The following CCDC198 variants were observed in gnomAD, a reference collection of about 807,000 sequenced individuals.
CCDC198 encodes the protein factor associated with metabolism and energy.
Under a neutral mutation model 35.6 loss-of-function variants are expected in CCDC198, and 18 were observed. The observed-to-expected ratio is 0.51, with a 90% CI of 0.35 to 0.75. The LOEUF is 0.75. Among genes scored for constraint, CCDC198 ranks in the 30% least tolerant of loss-of-function variants. The pLI is 0.01. For missense variants in CCDC198, 365 were observed against 343.7 expected (o/e 1.06, Z -0.49); for synonymous variants, 119 against 113.4 (o/e 1.05, Z -0.31).
intron 5 of CCDC198, among the ~76,000 whole-genome samples, chr14:57,476,263 A>G (rs115338196): frequency 0.01 from 1,550 of 152,306 alleles, 28 homozygotes; most frequent in African/African-American, 0.036. Context: ...TTCTCTCTCT[A>G]GAATAAAATT....
At chr14:57,481,483 G>T in intron 4 of CCDC198, 76 bp downstream of exon 4, 1 of 1,010,236 alleles carries the variant, frequency 9.9e-7, no homozygotes. Flanking sequence ...GGCTATCTAT[G>T]CTTGATATAT....
Position 57,489,965 on chromosome 14 carries a change from TTATC to T in CCDC198, c.306+1020_306+1023del, listed in dbSNP as rs150683892. ...TTGTTATATTTCATTTTATTTTTCT[TTATC>T]TAAATAATGATTTTATAGTTTCTAA... On this transcript the variant is annotated intron_variant, in intron 2 of 5. Transcript: ENST00000216445. Among the ~76,000 whole-genome samples, 182 of 152,282 alleles carry T rather than the reference TTATC, an allele frequency of 1.2e-3. 2 individuals are homozygous for T. The East Asian group carries it at 0.025, about 21-fold the overall frequency.
chr14:57,482,962 C>A, intron 3 of CCDC198, 103 bp downstream of exon 3: 1 of 1,464,630 alleles, frequency 6.8e-7, no homozygotes, highest in Non-Finnish European at 9.5e-7. Flanking sequence ...CTTTGAACTC[C>A]TCCATGCAGA....
At chr14:57,481,162 G>C (rs1009806200) in intron 4 of CCDC198, among the ~76,000 whole-genome samples, 6 of 152,100 alleles carry the variant, frequency 3.9e-5, no homozygotes, top group African/African-American at 1.4e-4. Context: ...TTTTTTACAA[G>C]AGGTCTTTCT....
In CCDC198 at chr14:57,493,803, A is replaced by C. The variant is rs989090676; in HGVS notation, c.-88T>G. 6 of 988,384 alleles carry C rather than the reference A, an allele frequency of 6.1e-6. No individual in the cohort carries two copies. The African/African-American group carries it at 9.8e-5, about 16-fold the overall frequency. 61.2% of individuals were successfully genotyped at this position (988,384 alleles called of 1,614,324 possible). A position where few individuals can be genotyped will look rare whatever the true frequency, so the allele number is the denominator to read the frequency against. On this transcript the variant is annotated 5_prime_UTR_variant, in exon 1 of 6. Coordinates refer to ENST00000216445, the MANE Select transcript of CCDC198 (RefSeq NM_018168.4). ...CTTATTTTAATCAAAGCATTTCAGAAGTTTACCCTCGCTTTACAAAGCAGT... is the reference window on the plus strand; with the variant it reads ...CTTATTTTAATCAAAGCATTTCAGACGTTTACCCTCGCTTTACAAAGCAGT...
At position 57,480,589 on chromosome 14, in the gene CCDC198, A is replaced by G. The variant is rs752644987; in HGVS notation, c.655+6T>C. 6.2e-7 allele frequency: 1 copy of G among 1,611,856 alleles called. No individual in the cohort carries two copies. The highest frequency in any genetic ancestry group is 1.1e-5 in the South Asian group (1 of 90,308). The stretch of plus-strand genomic sequence containing the variant: ...ATGTTTTACTAAAAAATTGTACATG[A>G]CTCACCGGGACCTCTGTTCAAGATT... On this transcript the variant is annotated splice_donor_region_variant and intron_variant, in intron 5 of 5. Transcript: ENST00000216445.
chr14:57,482,934 CT>C (rs2067235600), intron 3 of CCDC198, 130 bp downstream of exon 3: 1 of 1,279,426 alleles, frequency 7.8e-7, no homozygotes. Context: ...CTCTGAATGA[CT>C]TAACAGTTTG....
intron 5 of CCDC198, chr14:57,475,527 T>C (rs181877399): frequency 6.4e-6 from 5 of 785,600 alleles, no homozygotes; most frequent in Non-Finnish European, 7.1e-6. Flanking sequence ...GCCAACATGG[T>C]GAAACCTCGT....
intron 3 of CCDC198, among the ~76,000 whole-genome samples, chr14:57,482,546 T>C (rs1474765513): frequency 1.3e-5 from 2 of 152,190 alleles, no homozygotes; most frequent in Admixed American, 6.5e-5. Flanking sequence ...TTCATTTCTA[T>C]GTGAGGGGAG....
chr14:57,471,572 T>A lies in CCDC198; in HGVS notation c.674A>T (p.Glu225Val). 1 of 1,583,334 alleles carries A rather than the reference T, an allele frequency of 6.3e-7. No homozygotes were observed. Among genetic ancestry groups the A allele is most frequent in the East Asian group, 2.2e-5 (1 of 44,710 alleles). Residue 225 changes from glutamate to valine, a missense_variant, in exon 6 of 6, where the codon GAA (glutamate) becomes GTA (valine). Physicochemically the swap from Glu to Val is moderately radical, Grantham distance 121 (BLOSUM62 -2). Coordinates refer to ENST00000216445, the MANE Select transcript of CCDC198 (RefSeq NM_018168.4). ...NRGPGNSKNT[E>V]FLKHQAVNNY... The stretch of plus-strand genomic sequence containing the variant: ...ATTCACTGCTTGATGTTTCAAAAAT[T>A]CTGTATTCTTTGAATTTCCTACAAA...
chr14:57,476,478 G>A (rs985576305), intron 5 of CCDC198, among the ~76,000 whole-genome samples: 1 of 152,140 alleles, frequency 6.6e-6, no homozygotes, highest in African/African-American at 2.4e-5. Flanking sequence ...AAGGGTAGGA[G>A]CCACAGAAAC....
Position 57,471,316 on chromosome 14 carries a change from T to G in CCDC198, c.*39A>C, listed in dbSNP as rs1594771733. Reference sequence around the variant, plus strand: ...GGAAGATTTTGAGAGTAAAACAAGCTTTCAAAGCACTCAGTTTCTAGGTTA... The same window carrying G: ...GGAAGATTTTGAGAGTAAAACAAGCGTTCAAAGCACTCAGTTTCTAGGTTA... On this transcript the variant is annotated 3_prime_UTR_variant, in exon 6 of 6. Coordinates refer to ENST00000216445, the MANE Select transcript of CCDC198 (RefSeq NM_018168.4). 9 of 1,486,412 alleles carry G rather than the reference T, an allele frequency of 6.1e-6. No individual in the cohort carries two copies. The East Asian group carries it at 1.4e-4, about 23-fold the overall frequency. The allele number at this position is 1,486,412 out of a possible 1,614,324, so 92.1% of individuals were successfully genotyped here.
chr14:57,486,915 C>T (rs1428285602), intron 2 of CCDC198, among the ~76,000 whole-genome samples: 1 of 152,118 alleles, frequency 6.6e-6, no homozygotes, highest in Non-Finnish European at 1.5e-5. Flanking sequence ...TTGAAAAGAG[C>T]CCAAGGAATC....
intron 5 of CCDC198, among the ~76,000 whole-genome samples, chr14:57,476,957 G>A (rs1255328722): frequency 6.6e-6 from 1 of 152,226 alleles, no homozygotes; most frequent in East Asian, 1.9e-4. Context: ...CGAGCACAGA[G>A]GTGAAGGCTG....
intron 1 of CCDC198, among the ~76,000 whole-genome samples, chr14:57,493,143 C>G (rs919535379): frequency 6.6e-6 from 1 of 152,106 alleles, no homozygotes; most frequent in African/African-American, 2.4e-5. Flanking sequence ...CTAACTGAAA[C>G]GCGATTGCTA....
chr14:57,478,708 G>T, intron 5 of CCDC198: 1 of 1,021,200 alleles, frequency 9.8e-7, no homozygotes, highest in Non-Finnish European at 1.2e-6. Flanking sequence ...GGTAAAAATT[G>T]TTTATGTGAC....
At chr14:57,481,013 T>C (rs2067164155) in intron 4 of CCDC198, among the ~76,000 whole-genome samples, 1 of 152,238 alleles carries the variant, frequency 6.6e-6, no homozygotes, top group Non-Finnish European at 1.5e-5. Context: ...AAAGTGTGTT[T>C]CTGTCAGCTA....
At chr14:57,475,495 T>G (rs1420961301) in intron 5 of CCDC198, 1 of 1,153,930 alleles carries the variant, frequency 8.7e-7, no homozygotes, top group Admixed American at 3.1e-5. Context: ...GATCATGAGG[T>G]CAGGAGTTCG....
intron 4 of CCDC198, among the ~76,000 whole-genome samples, chr14:57,481,127 T>C (rs1389042356): frequency 6.6e-6 from 1 of 152,204 alleles, no homozygotes; most frequent in Non-Finnish European, 1.5e-5. Context: ...AAGGGTTTTT[T>C]TGTTTGTTTG....
Sources: gnomAD v4.1 joint callset for allele counts (sites outside exome capture counted in the v4.1 genomes callset) on GRCh38, gnomAD v4.1.1 for gene constraint, MANE v1.5 for transcripts, NCBI Gene and HGNC (gene_info 2026-07-23, HGNC 2026-07-21) for gene names.